The following CTNNA3 variants were observed in gnomAD, a reference collection of about 807,000 sequenced individuals.
CTNNA3 encodes catenin alpha 3.
Under a neutral mutation model 95.7 loss-of-function variants are expected in CTNNA3, and 76 were observed. That is an observed-to-expected ratio of 0.79 (90% confidence interval 0.66 to 0.96). CTNNA3 has a LOEUF of 0.96. Ranked by LOEUF, CTNNA3 falls within the 40% of genes least tolerant of loss-of-function variation. CTNNA3 has a pLI of 0.00. For missense variants in CTNNA3, 1,191 were observed against 1,089.8 expected, an observed-to-expected ratio of 1.09 and a Z score of -1.31; for synonymous variants, 431 against 374.4, an observed-to-expected ratio of 1.15 and a Z score of -1.74.
chr10:66,957,763 AG>A (rs1848902060), intron 7 of CTNNA3, among the ~76,000 whole-genome samples: 1 of 152,064 alleles, frequency 6.6e-6, no homozygotes, highest in South Asian at 2.1e-4. Context: ...GCAGAAGACA[AG>A]GGGAAAATTT....
intron 7 of CTNNA3, among the ~76,000 whole-genome samples, chr10:67,169,666 C>T (rs1202216658): frequency 6.6e-6 from 1 of 152,082 alleles, no homozygotes; most frequent in Admixed American, 6.6e-5. Flanking sequence ...AAAACCAAAA[C>T]TATAAAAACA....
intron 10 of CTNNA3, 42 bp from the exon 11 acceptor site, chr10:66,520,815 T>C (rs771253381): frequency 1.5e-5 from 23 of 1,543,786 alleles, no homozygotes; most frequent in African/African-American, 1.4e-5. Context: ...TTGGTTGCAA[T>C]GTTCACTATT....
chr10:66,194,238 T>C (rs2131892923), intron 13 of CTNNA3, among the ~76,000 whole-genome samples: 1 of 152,310 alleles, frequency 6.6e-6, no homozygotes, highest in East Asian at 1.9e-4. Flanking sequence ...AAAATAATTA[T>C]GCCTACATTT....
chr10:66,211,890 T>G (rs1056717740), intron 13 of CTNNA3, among the ~76,000 whole-genome samples: 2 of 152,184 alleles, frequency 1.3e-5, no homozygotes, highest in African/African-American at 4.8e-5. Context: ...TGGATGTGAT[T>G]ATGTGGTTCA....
chr10:66,243,242 T>C (rs553762831), intron 13 of CTNNA3, among the ~76,000 whole-genome samples: 8 of 152,324 alleles, frequency 5.3e-5, no homozygotes, highest in African/African-American at 1.9e-4. Context: ...ATTTCTTCGA[T>C]ATATCTTTAA....
chr10:67,259,709 C>G (rs1264306893), intron 5 of CTNNA3, among the ~76,000 whole-genome samples: 1 of 152,182 alleles, frequency 6.6e-6, no homozygotes, highest in Non-Finnish European at 1.5e-5. Context: ...TCCCATGACC[C>G]TCTATGTTTT....
intron 5 of CTNNA3, among the ~76,000 whole-genome samples, chr10:67,306,377 C>T (rs1221227281): frequency 2.0e-5 from 3 of 152,150 alleles, no homozygotes; most frequent in African/African-American, 7.2e-5. Flanking sequence ...CTCCCAAAAG[C>T]ATGAACAATA....
At chr10:66,964,842 G>A (rs1849314074) in intron 7 of CTNNA3, among the ~76,000 whole-genome samples, 1 of 152,078 alleles carries the variant, frequency 6.6e-6, no homozygotes. Context: ...GAGCTTCATC[G>A]CTCACAGAAA....
At chr10:66,806,261 TTG>T (rs59596203) in intron 7 of CTNNA3, among the ~76,000 whole-genome samples, 17,073 of 144,022 alleles carry the variant, frequency 0.12, 1,307 homozygotes, top group Non-Finnish European at 0.17. Flanking sequence ...ATATTGGTGT[TTG>T]TGTGTGTGTG....
chr10:65,968,671 T>C (rs1443995211), intron 16 of CTNNA3, among the ~76,000 whole-genome samples: 1 of 152,178 alleles, frequency 6.6e-6, no homozygotes, highest in Non-Finnish European at 1.5e-5. Flanking sequence ...ACCCCACACT[T>C]TCTCTGCAGG....
At chr10:66,103,087 G>T in intron 14 of CTNNA3, 70 bp downstream of exon 14, 1 of 1,283,544 alleles carries the variant, frequency 7.8e-7, no homozygotes. Context: ...AGGCTGCCTA[G>T]ATTGACAAAG....
At chr10:65,931,482 G>A (rs2077251799) in intron 17 of CTNNA3, among the ~76,000 whole-genome samples, 1 of 152,178 alleles carries the variant, frequency 6.6e-6, no homozygotes, top group African/African-American at 2.4e-5. Context: ...CGGTGCTTTG[G>A]AAATTATTCC....
At chr10:67,469,083 C>T (rs77530483) in intron 5 of CTNNA3, among the ~76,000 whole-genome samples, 4,161 of 152,178 alleles carry the variant, frequency 0.027, 97 homozygotes, top group African/African-American at 0.051. Flanking sequence ...GGGACCAATG[C>T]TAATTTTTTG....
At chr10:67,246,403 G>T (rs973364742) in intron 5 of CTNNA3, among the ~76,000 whole-genome samples, 2 of 152,146 alleles carry the variant, frequency 1.3e-5, no homozygotes, top group African/African-American at 4.8e-5. Flanking sequence ...AAATACAACA[G>T]ATGCAAGATG....
intron 9 of CTNNA3, among the ~76,000 whole-genome samples, chr10:66,635,990 C>CTGTG (rs10527642): frequency 0.026 from 3,733 of 145,864 alleles, 58 homozygotes; most frequent in East Asian, 0.044. Flanking sequence ...TGGAAGAACA[C>CTGTG]TGTGTGTGTG....
chr10:66,761,317 G>A (rs148364949), intron 9 of CTNNA3, among the ~76,000 whole-genome samples: 1 of 152,106 alleles, frequency 6.6e-6, no homozygotes, highest in South Asian at 2.1e-4. Context: ...CTGATGAAAG[G>A]CTCCCATGAA....
chr10:66,740,064 G>A (rs1385509236), intron 9 of CTNNA3, among the ~76,000 whole-genome samples: 1 of 152,196 alleles, frequency 6.6e-6, no homozygotes, highest in Non-Finnish European at 1.5e-5. Flanking sequence ...CTTGAGTGCA[G>A]AATTGTGGGT....
chr10:66,143,985 T>C (rs1175690832), intron 13 of CTNNA3, among the ~76,000 whole-genome samples: 1 of 152,266 alleles, frequency 6.6e-6, no homozygotes, highest in Non-Finnish European at 1.5e-5. Flanking sequence ...TATAATCTAA[T>C]GATTGTACTG....
intron 9 of CTNNA3, among the ~76,000 whole-genome samples, chr10:66,692,495 C>G (rs534760085): frequency 6.6e-6 from 1 of 152,032 alleles, no homozygotes; most frequent in African/African-American, 2.4e-5. Flanking sequence ...ATTGGTGTAC[C>G]TGAAAGTGAC....
Sources: gnomAD v4.1 joint callset for allele counts (sites outside exome capture counted in the v4.1 genomes callset) on GRCh38, gnomAD v4.1.1 for gene constraint, MANE v1.5 for transcripts, NCBI Gene and HGNC (gene_info 2026-07-23, HGNC 2026-07-21) for gene names.